The following MLPH variants were observed in gnomAD, a reference collection of about 807,000 sequenced individuals.
MLPH encodes exophilin-3.
A neutral mutation model predicts 72.1 loss-of-function variants in MLPH; 51 were observed. That is an observed-to-expected ratio of 0.71 (90% CI 0.56 to 0.89). The LOEUF is 0.89. Ranked by LOEUF, MLPH falls within the 40% of genes least tolerant of loss-of-function variation. The probability of loss-of-function intolerance (pLI) is 0.00; values close to 1 mark genes in which losing one functional copy is unlikely to be tolerated. For missense variants in MLPH, 743 were observed against 759.9 expected, an observed-to-expected ratio of 0.98 and a Z score of 0.26; for synonymous variants, 301 against 310.1, an observed-to-expected ratio of 0.97 and a Z score of 0.31.
At chr2:237,525,278 G>C (rs2080277420) in intron 6 of MLPH, among the ~76,000 whole-genome samples, 1 of 152,198 alleles carries the variant, frequency 6.6e-6, no homozygotes, top group South Asian at 2.1e-4. Context: ...TGGTCTCTGG[G>C]TGAGTCTGAG....
chr2:237,490,598 A>T (rs77783786), intron 1 of MLPH, among the ~76,000 whole-genome samples: 1 of 152,314 alleles, frequency 6.6e-6, no homozygotes, highest in East Asian at 1.9e-4. Flanking sequence ...GAAGAGAGGG[A>T]ATGATAATGC....
At chr2:237,527,716 T>A in intron 8 of MLPH, 200 bp downstream of exon 8, 1 of 686,694 alleles carries the variant, frequency 1.5e-6, no homozygotes, top group Non-Finnish European at 2.4e-6. Flanking sequence ...ACCATCTTAG[T>A]ATGGCCATTC....
intron 9 of MLPH, among the ~76,000 whole-genome samples, chr2:237,538,201 C>T (rs2080580355): frequency 6.6e-6 from 1 of 152,202 alleles, no homozygotes; most frequent in Non-Finnish European, 1.5e-5. Context: ...AGGAAACACG[C>T]AACTGCTGGA....
chr2:237,500,490 C>G (rs990632122), intron 2 of MLPH, among the ~76,000 whole-genome samples: 1 of 152,190 alleles, frequency 6.6e-6, no homozygotes, highest in Non-Finnish European at 1.5e-5. Flanking sequence ...GCTGCATGTG[C>G]CCTAGCAGCT....
In MLPH at chr2:237,510,257, C is replaced by A. The variant is rs116802169; in HGVS notation, c.111-317C>A. On this transcript the variant is annotated intron_variant, in intron 2 of 15. Coordinates refer to ENST00000264605, the MANE Select transcript of MLPH (RefSeq NM_024101.7). This position sits in a 1 kb window ranked among gnomAD's most constrained non-coding sequence, Gnocchi z 4.4. ...GATTCTGTGACTGCCCTGGGGAGGG[C>A]GCAGTGACCTGCCAACCAAAATTGG... 1.2e-5 allele frequency: 5 copies of A among 401,486 alleles called. No individual in the cohort carries two copies. Among genetic ancestry groups the A allele is most frequent in the Non-Finnish European group, 2.4e-5 (5 of 212,268 alleles). The allele number at this position is 401,486 out of a possible 1,614,324, so 24.9% of individuals were successfully genotyped here.
chr2:237,518,587 C>A lies in MLPH; in HGVS notation c.494C>A (p.Thr165Lys). ...GAGAGAAGTGGAGACAGCGACCAGA[C>A]AGATGAGGATGGAGAACCTGGCTCA... ...SEERSGDSDQTDEDGEPGSEA... is the reference protein window; with the variant it reads ...SEERSGDSDQKDEDGEPGSEA... The change falls in exon 5 of 16, where the codon ACA becomes AAA. Residue 165 changes from threonine (T) to lysine (K), a missense_variant. Coordinates refer to ENST00000264605, the MANE Select transcript of MLPH (RefSeq NM_024101.7). The A allele has an allele frequency of 6.2e-7, 1 of 1,613,910 alleles. No individual in the cohort carries two copies. The highest frequency in any genetic ancestry group is 8.5e-7 in the Non-Finnish European group (1 of 1,179,926).
chr2:237,539,249 C>T (rs775263665), intron 9 of MLPH, among the ~76,000 whole-genome samples: 2 of 152,136 alleles, frequency 1.3e-5, no homozygotes, highest in Non-Finnish European at 2.9e-5. Context: ...GCAGCAGGGC[C>T]GGCTGGGAGA....
chr2:237,540,350 T>C lies in MLPH; in HGVS notation c.1107T>C (p.Gly369=), dbSNP rs1213941232. ...AATCCACTGGCCTGTTCTGTCAGGG[T>C]CTAGGTGCTGGAGTGCGCACGGAGG... ...ENTVVPPLAK[G]LGAGVRTEAD... Residue 369 remains glycine (G), a splice_region_variant and synonymous_variant, in exon 10 of 16, where the codon GGT becomes GGC. Transcript: ENST00000264605. The C allele has an allele frequency of 6.2e-7, 1 of 1,613,286 alleles. No individual in the cohort carries two copies. The highest frequency in any genetic ancestry group is 8.5e-7 in the Non-Finnish European group (1 of 1,179,992).
At chr2:237,489,109 G>A (rs2079377864) in intron 1 of MLPH, among the ~76,000 whole-genome samples, 1 of 152,234 alleles carries the variant, frequency 6.6e-6, no homozygotes, top group South Asian at 2.1e-4. Flanking sequence ...ATCTTTCCCA[G>A]GTGGCTGGGC....
chr2:237,497,429 C>A (rs749847362), intron 2 of MLPH, among the ~76,000 whole-genome samples: 1 of 152,240 alleles, frequency 6.6e-6, no homozygotes, highest in Non-Finnish European at 1.5e-5. Context: ...CTGCCTCTAC[C>A]TGTGAGAAGA....
chr2:237,546,540 C>A, intron 12 of MLPH, 66 bp from the exon 13 acceptor site: 1 of 1,393,170 alleles, frequency 7.2e-7, no homozygotes, highest in Non-Finnish European at 1.0e-6. Flanking sequence ...CCAGCTGACC[C>A]ATGCCCATGC....
chr2:237,521,078 G>T (rs1426995965), intron 6 of MLPH, among the ~76,000 whole-genome samples: 1 of 152,210 alleles, frequency 6.6e-6, no homozygotes, highest in Non-Finnish European at 1.5e-5. Flanking sequence ...GAATAATACT[G>T]TTGGTGATGA....
intron 2 of MLPH, among the ~76,000 whole-genome samples, chr2:237,494,903 C>T (rs2079504948): frequency 6.6e-6 from 1 of 152,212 alleles, no homozygotes; most frequent in African/African-American, 2.4e-5. Flanking sequence ...TTGTACAGTA[C>T]AGATTTAGTG....
intron 2 of MLPH, among the ~76,000 whole-genome samples, chr2:237,507,555 T>G (rs893333307): frequency 6.6e-6 from 1 of 152,218 alleles, no homozygotes; most frequent in Non-Finnish European, 1.5e-5. Flanking sequence ...TGATGCAGAC[T>G]TCTCAAATGT....
rs375752977 is a variant in MLPH at position 237,527,521 on chromosome 2, C to G, written c.1020+5C>G. 1.9e-6 allele frequency: 3 copies of G among 1,613,982 alleles called. No homozygotes were observed. The highest frequency in any genetic ancestry group is 3.3e-5 in the Admixed American group (2 of 59,996). On this transcript the variant is annotated splice_donor_5th_base_variant and intron_variant, in intron 8 of 15. Transcript: ENST00000264605. ...CGGGCGTCTTCTGAGAGTCAGGTAA[C>G]GGTGGCTGGAAAGACTTCTGTCTTG...
intron 12 of MLPH, 62 bp from the exon 13 acceptor site, chr2:237,546,544 C>A: frequency 1.4e-6 from 2 of 1,441,032 alleles, no homozygotes; most frequent in Non-Finnish European, 2.0e-6. Flanking sequence ...CTGACCCATG[C>A]CCATGCTCCT....
chr2:237,550,759 G>C (rs2081021171), intron 14 of MLPH, among the ~76,000 whole-genome samples: 1 of 152,146 alleles, frequency 6.6e-6, no homozygotes, highest in African/African-American at 2.4e-5. Context: ...ACGTTGGCCA[G>C]GCTGGTCTCG....
intron 2 of MLPH, among the ~76,000 whole-genome samples, chr2:237,495,631 G>C (rs983357606): frequency 2.0e-5 from 3 of 152,182 alleles, no homozygotes; most frequent in Non-Finnish European, 4.4e-5. Flanking sequence ...TCGTGTTGGT[G>C]GGGAGGGGCC....
chr2:237,501,477 G>T (rs977708856), intron 2 of MLPH, among the ~76,000 whole-genome samples: 1 of 151,800 alleles, frequency 6.6e-6, no homozygotes, highest in African/African-American at 2.4e-5. Flanking sequence ...GTATTGTCTC[G>T]TATTATTGTT....
Sources: allele counts gnomAD v4.1 joint callset (sites outside exome capture counted in the v4.1 genomes callset), GRCh38; gene constraint gnomAD v4.1.1; non-coding constraint Gnocchi (gnomAD v3.1); transcripts MANE v1.5; gene names NCBI Gene and HGNC (gene_info 2026-07-23, HGNC 2026-07-21).